The following ASB3 variants were observed in gnomAD, a reference collection of about 807,000 sequenced individuals.
The protein encoded by ASB3 is ankyrin repeat and SOCS box containing 3, also known as ankyrin repeat and SOCS box protein 3.
In ASB3, 41 loss-of-function variants were observed where a neutral mutation model predicts 54.5. That is an observed-to-expected ratio of 0.75 (90% CI 0.59 to 0.98). The LOEUF is 0.98. Among genes scored for constraint, ASB3 ranks in the 50% least tolerant of loss-of-function variants. ASB3 has a pLI of 0.00. For missense variants in ASB3, 733 were observed against 620.0 expected, an observed-to-expected ratio of 1.18 and a Z score of -1.94; for synonymous variants, 266 against 221.2, an observed-to-expected ratio of 1.20 and a Z score of -1.80.
intron 2 of ASB3, 29 bp from the exon 3 acceptor site, chr2:53,750,970 G>C (rs1672480159): frequency 2.0e-6 from 3 of 1,471,414 alleles, no homozygotes; most frequent in African/African-American, 2.9e-5. Context: ...CCATCAACTA[G>C]AAGGTATTAC....
rs749570122 is a variant in ASB3, at chr2:53,693,909, G to A, written c.1344C>T (p.Asn448=). 51 of 1,613,362 alleles carry A rather than the reference G, an allele frequency of 3.2e-5. No homozygotes were observed. In the Admixed American group the frequency reaches 3.8e-4, roughly 12 times the overall value. ...CAATATGTTGCTGTAGAATCCAAGC[G>A]TTTGAGGCACGAGCAGAGAGCATCC... is the stretch of plus-strand genomic sequence containing the variant. ...VERMLSARAS[N]AWILQQHIAT... Residue 448 remains asparagine (N), a synonymous_variant, in exon 9 of 10, where the codon AAC becomes AAT. Transcript: ENST00000263634.
chr2:53,749,100 T>TC (rs1672382954), intron 3 of ASB3, among the ~76,000 whole-genome samples: 1 of 152,120 alleles, frequency 6.6e-6, no homozygotes, highest in Non-Finnish European at 1.5e-5. Context: ...TTTGTACTGT[T>TC]ATTGACTACT....
intron 9 of ASB3, among the ~76,000 whole-genome samples, chr2:53,688,716 T>C (rs761461480): frequency 2.0e-5 from 3 of 151,712 alleles, no homozygotes; most frequent in Non-Finnish European, 4.4e-5. Flanking sequence ...TTCTCACTCA[T>C]AAGTGGGAGT....
intron 1 of ASB3, among the ~76,000 whole-genome samples, chr2:53,773,100 G>C (rs1674060320): frequency 6.6e-6 from 1 of 152,110 alleles, no homozygotes; most frequent in South Asian, 2.1e-4. Flanking sequence ...TGTGGATTAG[G>C]AAATGCTTTC....
chr2:53,743,127 G>T (rs75781772), intron 3 of ASB3, among the ~76,000 whole-genome samples: 7,318 of 150,072 alleles, frequency 0.049, 383 homozygotes, highest in East Asian at 0.28. Flanking sequence ...GTTCAAGTTT[G>T]AATCATTATT....
At chr2:53,671,315 G>A (rs1376852709) in intron 9 of ASB3, among the ~76,000 whole-genome samples, 1 of 151,828 alleles carries the variant, frequency 6.6e-6, no homozygotes, top group Non-Finnish European at 1.5e-5. Context: ...GTAAGCAGCA[G>A]AGCCAGGATT....
At chr2:53,731,674 G>C (rs924729490) in intron 3 of ASB3, among the ~76,000 whole-genome samples, 4 of 152,024 alleles carry the variant, frequency 2.6e-5, no homozygotes, top group Admixed American at 2.0e-4. Flanking sequence ...CTTTTTTTGA[G>C]ACAAGCCTCG....
intron 3 of ASB3, among the ~76,000 whole-genome samples, chr2:53,744,019 G>C (rs1313587805): frequency 6.6e-6 from 1 of 151,296 alleles, no homozygotes; most frequent in Non-Finnish European, 1.5e-5. Flanking sequence ...CTCCAGCCTG[G>C]GTGACAGAGT....
chr2:53,785,457 A>G (rs1477755582), intron 1 of ASB3, among the ~76,000 whole-genome samples: 4 of 151,750 alleles, frequency 2.6e-5, no homozygotes, highest in Admixed American at 2.6e-4. Context: ...ATTGACTATT[A>G]CTACTATAAT....
intron 2 of ASB3, among the ~76,000 whole-genome samples, chr2:53,757,924 C>G (rs1672925738): frequency 6.6e-6 from 1 of 152,082 alleles, no homozygotes; most frequent in Non-Finnish European, 1.5e-5. Context: ...AACTCATGAC[C>G]CAGTACTTTA....
chr2:53,778,028 A>T (rs544133010), intron 1 of ASB3, among the ~76,000 whole-genome samples: 1 of 151,872 alleles, frequency 6.6e-6, no homozygotes, highest in Non-Finnish European at 1.5e-5. Context: ...GGGCACCTGT[A>T]GTCCCAGCTA....
chr2:53,671,378 G>GTGTT (rs1253527190), intron 9 of ASB3, among the ~76,000 whole-genome samples: 2 of 151,790 alleles, frequency 1.3e-5, no homozygotes, highest in African/African-American at 4.8e-5. Flanking sequence ...GTGTGTGTGT[G>GTGTT]TGTGTGTGTG....
At chr2:53,704,817 C>T (rs544665316) in intron 7 of ASB3, among the ~76,000 whole-genome samples, 120 of 152,276 alleles carry the variant, frequency 7.9e-4, no homozygotes, top group Non-Finnish European at 1.3e-3. Flanking sequence ...AAAGATTCTG[C>T]ATTTTATCAA....
chr2:53,772,008 A>C, intron 1 of ASB3: 2 of 898,726 alleles, frequency 2.2e-6, no homozygotes, highest in Non-Finnish European at 3.5e-6. Context: ...TTTCTGTTTC[A>C]ATTTGATTAA....
At chr2:53,768,053 GC>G (rs754103470) in intron 1 of ASB3, 2 of 1,608,674 alleles carry the variant, frequency 1.2e-6, no homozygotes, top group Non-Finnish European at 1.7e-6. Context: ...CACACTTACT[GC>G]CCCCTGACCC....
At chr2:53,694,221 C>A in intron 8 of ASB3, 1 of 494,982 alleles carries the variant, frequency 2.0e-6, no homozygotes. Context: ...AATTGACTTT[C>A]TATGTAGCTG....
In ASB3 at chr2:53,714,588, A is replaced by G. The variant is rs779212721; in HGVS notation, c.783-7T>C. 6 of 1,612,810 alleles carry G rather than the reference A, an allele frequency of 3.7e-6. No individual in the cohort carries two copies. The Admixed American group carries it at 1.0e-4, about 27-fold the overall frequency. On this transcript the variant is annotated splice_polypyrimidine_tract_variant and splice_region_variant and intron_variant, in intron 6 of 9. Coordinates refer to ENST00000263634, the MANE Select transcript of ASB3 (RefSeq NM_016115.5). The stretch of plus-strand genomic sequence containing the variant: ...TATTAACAAGTCCAAGATTCTATAA[A>G]TACACAAATTCAGGAGAATTTAGTG...
intron 1 of ASB3, among the ~76,000 whole-genome samples, chr2:53,771,434 G>A (rs1359604733): frequency 1.3e-5 from 2 of 152,066 alleles, no homozygotes; most frequent in African/African-American, 4.8e-5. Context: ...AATTGCTTGA[G>A]CCCGAGAGTT....
At chr2:53,733,604 C>A (rs1420160573) in intron 3 of ASB3, among the ~76,000 whole-genome samples, 2 of 152,034 alleles carry the variant, frequency 1.3e-5, no homozygotes, top group South Asian at 2.1e-4. Context: ...ACCACACCCA[C>A]CTAATTTTTG....
Sources: gnomAD v4.1 joint callset for allele counts (sites outside exome capture counted in the v4.1 genomes callset) on GRCh38, gnomAD v4.1.1 for gene constraint, MANE v1.5 for transcripts, NCBI Gene and HGNC (gene_info 2026-07-23, HGNC 2026-07-21) for gene names.